Variants in CFAP418 observed in about 807,000 individuals in gnomAD.
The protein encoded by CFAP418 is cilia- and flagella-associated protein 418.
In CFAP418, 27 loss-of-function variants were observed where a neutral mutation model predicts 24.7. The ratio of observed to expected loss-of-function variants is 1.09; its 90% CI spans 0.81 to 1.51. The LOEUF is 1.51. CFAP418 is among the 40% of genes most tolerant of loss of function. The probability of loss-of-function intolerance (pLI) is 0.00; values close to 1 mark genes in which losing one functional copy is unlikely to be tolerated. For missense variants in CFAP418, 257 were observed against 255.2 expected, an observed-to-expected ratio of 1.01 and a Z score of -0.05; for synonymous variants, 74 against 87.3, an observed-to-expected ratio of 0.85 and a Z score of 0.85.
intron 4 of CFAP418, among the ~76,000 whole-genome samples, chr8:95,259,050 C>T (rs538775879): frequency 6.6e-6 from 1 of 152,108 alleles, no homozygotes; most frequent in South Asian, 2.1e-4. Flanking sequence ...AACAGTTAGC[C>T]CTCCAGAAAT....
rs374243344 is a variant in CFAP418, at chr8:95,247,583, T to C, written c.*34A>G. The C allele has an allele frequency of 6.2e-7, 1 of 1,612,766 alleles. No individual in the cohort carries two copies. The highest frequency in any genetic ancestry group is 1.3e-5 in the African/African-American group (1 of 75,050). ...TGATGATTCATGGAGACCACTCTCA[T>C]GGATGCATCTGTCCGAATGTGCAGT... On this transcript the variant is annotated 3_prime_UTR_variant, in exon 6 of 6. Transcript: ENST00000286688.
At chr8:95,268,825 A>T in intron 1 of CFAP418, 1 of 466,428 alleles carries the variant, frequency 2.1e-6, no homozygotes, top group Non-Finnish European at 3.8e-6. Context: ...CGGGGGGCGG[A>T]GTCTGCGCTG....
At chr8:95,250,935 C>T (rs1348757954) in intron 5 of CFAP418, among the ~76,000 whole-genome samples, 9 of 152,038 alleles carry the variant, frequency 5.9e-5, no homozygotes, top group Admixed American at 3.3e-4. Flanking sequence ...CCAAAAAAGG[C>T]GTAGGGGAAA....
chr8:95,248,439 A>G (rs1443572048), intron 5 of CFAP418, among the ~76,000 whole-genome samples: 1 of 152,218 alleles, frequency 6.6e-6, no homozygotes. Context: ...GTAATATGGC[A>G]AGTTGAGAGA....
Position 95,246,142 on chromosome 8 carries a change from C to G in CFAP418, c.*1475G>C, listed in dbSNP as rs1372915496. 6.6e-6 allele frequency: 1 copy of G among 152,336 alleles called. No individual in the cohort carries two copies. Among genetic ancestry groups the G allele is most frequent in the East Asian group, 1.9e-4 (1 of 5,170 alleles). The allele number at this position is 152,336 out of a possible 1,614,324, so 9.4% of individuals were successfully genotyped here. On this transcript the variant is annotated 3_prime_UTR_variant, in exon 6 of 6. Coordinates refer to ENST00000286688, the MANE Select transcript of CFAP418 (RefSeq NM_177965.4). ...TAGTTGGGATTACAGGCATGCACCA[C>G]CGCGCCCAGCTAATTTTTGTATTTT...
At position 95,257,159 on chromosome 8, in the gene CFAP418, T is replaced by C. The variant is rs550215652; in HGVS notation, c.374+2681A>G. 3.8e-4 allele frequency among the ~76,000 whole-genome samples: 58 copies of C among 152,282 alleles called. 1 individual carries two copies. In the South Asian group the frequency reaches 0.012, roughly 30 times the overall value. ...TGTGGCTCATGGGTGACTTGAGAGA[T>C]GCCTGGAATAGAGGAGGCATGGCTC... is the stretch of plus-strand genomic sequence containing the variant. On this transcript the variant is annotated intron_variant, in intron 4 of 5. Coordinates refer to ENST00000286688, the MANE Select transcript of CFAP418 (RefSeq NM_177965.4).
chr8:95,266,627 A>G (rs976882395), intron 1 of CFAP418, among the ~76,000 whole-genome samples: 1 of 152,354 alleles, frequency 6.6e-6, no homozygotes, highest in Admixed American at 6.5e-5. Context: ...AAAAATTTTA[A>G]TATATAACAT....
rs938037709 is a variant in CFAP418 at position 95,246,336 on chromosome 8, A to G, written c.*1281T>C. ...AAGTGTGAGGATTGGCCATTATAAG[A>G]TCTATTCTGTTGCAATGCTAGACTT... On this transcript the variant is annotated 3_prime_UTR_variant, in exon 6 of 6. Transcript: ENST00000286688. The G allele has an allele frequency of 1.3e-5, 2 of 152,186 alleles. No individual in the cohort carries two copies. Among genetic ancestry groups the G allele is most frequent in the African/African-American group, 4.8e-5 (2 of 41,442 alleles). The allele number at this position is 152,186 out of a possible 1,614,324, so 9.4% of individuals were successfully genotyped here.
At chr8:95,263,540 C>T (rs1188886549) in intron 2 of CFAP418, 147 bp downstream of exon 2, 2 of 515,372 alleles carry the variant, frequency 3.9e-6, no homozygotes, top group East Asian at 6.0e-5. Flanking sequence ...GCTTCTACTG[C>T]TCTTTAAGTG....
At chr8:95,263,923 T>C in intron 1 of CFAP418, 149 bp from the exon 2 acceptor site, 1 of 566,608 alleles carries the variant, frequency 1.8e-6, no homozygotes, top group Non-Finnish European at 3.1e-6. Context: ...GGATATAGTC[T>C]AAGTTTGTTG....
intron 4 of CFAP418, among the ~76,000 whole-genome samples, chr8:95,256,258 AC>A (rs1354367054): frequency 6.6e-6 from 1 of 152,220 alleles, no homozygotes; most frequent in African/African-American, 2.4e-5. Context: ...AACAGAAGGC[AC>A]CTGTAATTAT....
At chr8:95,265,148 T>C (rs1811956613) in intron 1 of CFAP418, among the ~76,000 whole-genome samples, 2 of 152,106 alleles carry the variant, frequency 1.3e-5, no homozygotes, top group Admixed American at 6.5e-5. Context: ...GGCAGGAGAC[T>C]GTTGTATATT....
intron 5 of CFAP418, among the ~76,000 whole-genome samples, chr8:95,250,412 A>G (rs1260116704): frequency 6.6e-6 from 1 of 152,230 alleles, no homozygotes; most frequent in East Asian, 1.9e-4. Flanking sequence ...TGTTCTTGAT[A>G]ACTCTGAGAT....
At chr8:95,251,145 C>G (rs1247979181) in intron 5 of CFAP418, among the ~76,000 whole-genome samples, 1 of 152,174 alleles carries the variant, frequency 6.6e-6, no homozygotes, top group East Asian at 1.9e-4. Context: ...GACATTATCT[C>G]AGCCACAAGG....
At chr8:95,257,583 T>C (rs943826967) in intron 4 of CFAP418, among the ~76,000 whole-genome samples, 3 of 152,194 alleles carry the variant, frequency 2.0e-5, no homozygotes, top group Non-Finnish European at 2.9e-5. Flanking sequence ...ACGGACCACA[T>C]ATACAACAGT....
chr8:95,247,545 T>C lies in CFAP418; in HGVS notation c.*72A>G. 3 of 1,565,448 alleles carry C rather than the reference T, an allele frequency of 1.9e-6. No individual in the cohort carries two copies. Among genetic ancestry groups the C allele is most frequent in the Non-Finnish European group, 2.6e-6 (3 of 1,139,564 alleles). ...AGGGAATGGTATTGCTAGGGACTAT[T>C]GTCTAAACATGATGATGATTCATGG... On this transcript the variant is annotated 3_prime_UTR_variant, in exon 6 of 6. Transcript: ENST00000286688.
At chr8:95,256,395 T>C (rs11777463) in intron 4 of CFAP418, among the ~76,000 whole-genome samples, 7,251 of 152,296 alleles carry the variant, frequency 0.048, 244 homozygotes, top group East Asian at 0.13. Context: ...CCAGTGTGCC[T>C]GCAGTACCTA....
chr8:95,258,372 ACT>A (rs1299853145), intron 4 of CFAP418, among the ~76,000 whole-genome samples: 5 of 131,722 alleles, frequency 3.8e-5, no homozygotes, highest in Non-Finnish European at 8.0e-5. Context: ...ACAGAGCGAG[ACT>A]CTGTCTCAAA....
At position 95,257,759 on chromosome 8, in the gene CFAP418, ATAATACT is replaced by A. The variant is rs1405551312; in HGVS notation, c.374+2074_374+2080del. On this transcript the variant is annotated intron_variant, in intron 4 of 5. Transcript: ENST00000286688. ...TAGTGCATACAGTTATGTATAGTAC[ATAATACT>A]TGATAATGATAATAAACTATGTTAC... Among the ~76,000 whole-genome samples, 7 of 152,342 alleles carry A rather than the reference ATAATACT, an allele frequency of 4.6e-5. No individual in the cohort carries two copies. In the South Asian group the frequency reaches 8.3e-4, roughly 18 times the overall value.
Sources: gnomAD v4.1 joint callset for allele counts (sites outside exome capture counted in the v4.1 genomes callset) on GRCh38, gnomAD v4.1.1 for gene constraint, MANE v1.5 for transcripts, NCBI Gene and HGNC (gene_info 2026-07-23, HGNC 2026-07-21) for gene names.